Variants in BRD10 observed in about 807,000 individuals in gnomAD.
The protein encoded by BRD10 is uncharacterized bromodomain-containing protein 10.
chr9:5,919,243 A>ATT, the BRD10 span: 2 of 155,496 alleles, frequency 1.3e-5, no homozygotes, highest in East Asian at 3.8e-4. Context: ...ATAAATATAT[A>ATT]TATGTATTTT....
At chr9:6,006,696 T>C in the BRD10 span, among the ~76,000 whole-genome samples, 1 of 152,224 alleles carries the variant, frequency 6.6e-6, no homozygotes. Flanking sequence ...ATTAACCATT[T>C]AGTAACACTC....
the BRD10 span, among the ~76,000 whole-genome samples, chr9:5,977,619 G>A: frequency 6.6e-6 from 1 of 152,114 alleles, no homozygotes; most frequent in Non-Finnish European, 1.5e-5. Flanking sequence ...AGGCTGAGGT[G>A]GGCAGATCAC....
chr9:5,886,594 T>C, the BRD10 span, among the ~76,000 whole-genome samples: 1 of 152,220 alleles, frequency 6.6e-6, no homozygotes, highest in East Asian at 1.9e-4. Context: ...GTTTGGACTC[T>C]AGAGCTCCTG....
the BRD10 span, among the ~76,000 whole-genome samples, chr9:5,930,369 T>TTTTTTATATATATATATATATA: frequency 5.2e-5 from 7 of 135,542 alleles, no homozygotes. Flanking sequence ...TATAAGGAGA[T>TTTTTTATATATATATATATATA]TATATATATA....
chr9:5,921,402 GA>G, the BRD10 span: 4 of 1,613,872 alleles, frequency 2.5e-6, no homozygotes. Context: ...AATGGAGGAG[GA>G]AGAGTTTGTT....
the BRD10 span, among the ~76,000 whole-genome samples, chr9:5,956,102 A>G: frequency 6.6e-6 from 1 of 152,064 alleles, no homozygotes; most frequent in East Asian, 1.9e-4. Context: ...ACCTCTCCCC[A>G]CCAGCCCTAC....
chr9:5,994,565 TCTGA>T, the BRD10 span, among the ~76,000 whole-genome samples: 1 of 152,246 alleles, frequency 6.6e-6, no homozygotes, highest in African/African-American at 2.4e-5. Flanking sequence ...CAGTCCCTTG[TCTGA>T]CTCTCATTTG....
chr9:5,886,363 G>A, the BRD10 span, among the ~76,000 whole-genome samples: 34 of 152,324 alleles, frequency 2.2e-4, no homozygotes, highest in East Asian at 2.1e-3. Context: ...TGGTGTGGGG[G>A]CTGAGCTGCC....
the BRD10 span, among the ~76,000 whole-genome samples, chr9:5,889,534 C>T: frequency 6.6e-6 from 1 of 152,258 alleles, no homozygotes; most frequent in South Asian, 2.1e-4. Context: ...TGCCTGTAAT[C>T]CCAGCACTTT....
At chr9:5,883,240 T>C in the BRD10 span, among the ~76,000 whole-genome samples, 1 of 152,162 alleles carries the variant, frequency 6.6e-6, no homozygotes, top group Non-Finnish European at 1.5e-5. Flanking sequence ...ACATTACCAT[T>C]GCAATGCTTT....
At chr9:5,920,586 T>C in the BRD10 span, 1 of 1,614,008 alleles carries the variant, frequency 6.2e-7, no homozygotes, top group South Asian at 1.1e-5. Flanking sequence ...TGAGGTTTAT[T>C]TGTGTTTACA....
the BRD10 span, among the ~76,000 whole-genome samples, chr9:5,985,592 C>A: frequency 6.6e-6 from 1 of 152,124 alleles, no homozygotes; most frequent in Non-Finnish European, 1.5e-5. Flanking sequence ...TCAAGACCAT[C>A]CTGACCAACA....
At chr9:5,884,313 C>T in the BRD10 span, among the ~76,000 whole-genome samples, 1 of 152,230 alleles carries the variant, frequency 6.6e-6, no homozygotes, top group Non-Finnish European at 1.5e-5. Flanking sequence ...TTCTGTGACT[C>T]AACACAGCCT....
At chr9:5,963,567 T>C in the BRD10 span, among the ~76,000 whole-genome samples, 1 of 151,300 alleles carries the variant, frequency 6.6e-6, no homozygotes, top group African/African-American at 2.4e-5. Context: ...TTAAAGTTCA[T>C]ATGGAACCAA....
chr9:5,951,328 TAA>T, the BRD10 span, among the ~76,000 whole-genome samples: 6 of 149,674 alleles, frequency 4.0e-5, no homozygotes, highest in Non-Finnish European at 8.9e-5. Flanking sequence ...CATTAGGACT[TAA>T]AAAAAAAAAA....
the BRD10 span, among the ~76,000 whole-genome samples, chr9:5,986,121 C>T: frequency 1.3e-5 from 2 of 152,144 alleles, no homozygotes; most frequent in Non-Finnish European, 2.9e-5. Context: ...TGATGCTCTC[C>T]CTCCCTCTAC....
At chr9:5,939,470 G>T in the BRD10 span, among the ~76,000 whole-genome samples, 1 of 152,170 alleles carries the variant, frequency 6.6e-6, no homozygotes, top group Non-Finnish European at 1.5e-5. Context: ...CTAAGGTCAA[G>T]AATCTTTCTT....
chr9:5,982,987 A>T, the BRD10 span, among the ~76,000 whole-genome samples: 1 of 152,202 alleles, frequency 6.6e-6, no homozygotes, highest in Non-Finnish European at 1.5e-5. Context: ...TTCCCCAAAC[A>T]TGGGAAATAT....
the BRD10 span, among the ~76,000 whole-genome samples, chr9:5,980,362 T>A: frequency 1.3e-5 from 2 of 152,146 alleles, no homozygotes; most frequent in Admixed American, 6.5e-5. Flanking sequence ...TCCTCTCTGT[T>A]CAACAGGCCA....
Sources: gnomAD v4.1 joint callset for allele counts (sites outside exome capture counted in the v4.1 genomes callset) on GRCh38, gnomAD v4.1.1 for gene constraint, MANE v1.5 for transcripts, NCBI Gene and HGNC (gene_info 2026-07-23, HGNC 2026-07-21) for gene names.